PDE1A: variants seen among roughly 807,000 people sequenced by gnomAD.
The protein encoded by PDE1A is dual specificity calcium/calmodulin-dependent 3',5'-cyclic nucleotide phosphodiesterase 1A.
Under a neutral mutation model 61.7 loss-of-function variants are expected in PDE1A, and 35 were observed. That is an observed-to-expected ratio of 0.57 (90% CI 0.43 to 0.75). The LOEUF (loss-of-function observed/expected upper bound fraction) is 0.75. Among genes scored for constraint, PDE1A ranks in the 30% least tolerant of loss-of-function variants. PDE1A has a pLI of 0.00. For synonymous variants in PDE1A, 232 were observed against 213.2 expected (o/e 1.09, Z -0.77); for missense variants, 597 against 630.6 (o/e 0.95, Z 0.57).
intron 13 of PDE1A, among the ~76,000 whole-genome samples, chr2:182,149,330 GAAAGT>G (rs1217446569): frequency 1.3e-5 from 2 of 152,062 alleles, no homozygotes. Flanking sequence ...AAAAGAAAAA[GAAAGT>G]AATCAAATGG....
At position 182,201,389 on chromosome 2, in the gene PDE1A, T is replaced by G. The variant is rs199702885; in HGVS notation, c.1125+50A>C. The G allele has an allele frequency of 5.3e-4, 849 of 1,605,434 alleles. 1 individual carries two copies. Among genetic ancestry groups the G allele is most frequent in the Admixed American group, 1.0e-3 (61 of 59,222 alleles). ...CATACAGAAAAGGTGTACGCTAATATGCACAGTCACTATTTCCAAAAACAT... is the reference window on the plus strand; with the variant it reads ...CATACAGAAAAGGTGTACGCTAATAGGCACAGTCACTATTTCCAAAAACAT... On this transcript the variant is annotated intron_variant, in intron 10 of 13. Transcript: ENST00000351439.
At chr2:182,487,796 C>T (rs557549821) in intron 2 of PDE1A, among the ~76,000 whole-genome samples, 2 of 152,134 alleles carry the variant, frequency 1.3e-5, no homozygotes, top group Admixed American at 1.3e-4. Context: ...TAAATTATGC[C>T]TTAACAAATC....
At chr2:182,191,974 G>T (rs923077303) in intron 10 of PDE1A, among the ~76,000 whole-genome samples, 10 of 151,776 alleles carry the variant, frequency 6.6e-5, no homozygotes, top group Admixed American at 2.6e-4. Flanking sequence ...TCCTGCCTTA[G>T]CCTCCCAAGT....
chr2:182,157,632 C>T (rs1691166582), intron 13 of PDE1A, among the ~76,000 whole-genome samples: 1 of 152,072 alleles, frequency 6.6e-6, no homozygotes, highest in Non-Finnish European at 1.5e-5. Flanking sequence ...GGAGACTAAA[C>T]CCACTTACAA....
At chr2:182,686,590 G>C in the PDE1A span, among the ~76,000 whole-genome samples, 1 of 152,198 alleles carries the variant, frequency 6.6e-6, no homozygotes, top group Non-Finnish European at 1.5e-5. Context: ...CCAGTCTACA[G>C]CTCCCAGTGT....
chr2:182,644,674 T>C, the PDE1A span, among the ~76,000 whole-genome samples: 1 of 152,110 alleles, frequency 6.6e-6, no homozygotes, highest in Non-Finnish European at 1.5e-5. Context: ...TTCACATCTA[T>C]GAGTGGGAAG....
the PDE1A span, among the ~76,000 whole-genome samples, chr2:182,626,782 CATATATAT>C: frequency 0.021 from 53 of 2,546 alleles, 5 homozygotes; most frequent in Non-Finnish European, 0.038. Context: ...CATATATATA[CATATATAT>C]ACATATATAT....
intron 1 of PDE1A, among the ~76,000 whole-genome samples, chr2:182,302,974 G>T (rs1324733288): frequency 6.6e-6 from 1 of 152,180 alleles, no homozygotes; most frequent in East Asian, 1.9e-4. Context: ...CAGCAATTCA[G>T]CTACATCTTC....
At chr2:182,270,411 C>A (rs990171138) in intron 1 of PDE1A, among the ~76,000 whole-genome samples, 2 of 152,034 alleles carry the variant, frequency 1.3e-5, no homozygotes, top group African/African-American at 4.8e-5. Flanking sequence ...GCTACCGTTA[C>A]ATAACCCAAT....
chr2:182,145,414 C>A (rs1257915347), downstream of PDE1A, among the ~76,000 whole-genome samples: 1 of 151,982 alleles, frequency 6.6e-6, no homozygotes, highest in East Asian at 1.9e-4. Context: ...ATTATATTTA[C>A]TTTGAGCGGG....
At chr2:182,340,041 G>A (rs1056432314) in intron 1 of PDE1A, among the ~76,000 whole-genome samples, 1 of 152,128 alleles carries the variant, frequency 6.6e-6, no homozygotes, top group Non-Finnish European at 1.5e-5. Context: ...AGATTATACT[G>A]TAAAATGCAA....
the PDE1A span, among the ~76,000 whole-genome samples, chr2:182,621,157 T>G: frequency 6.6e-6 from 1 of 152,168 alleles, no homozygotes; most frequent in Non-Finnish European, 1.5e-5. Context: ...GTCTGAGAAT[T>G]GGGAGCAGAT....
At chr2:182,316,958 A>G (rs940364391) in intron 1 of PDE1A, among the ~76,000 whole-genome samples, 1 of 152,148 alleles carries the variant, frequency 6.6e-6, no homozygotes, top group Admixed American at 6.6e-5. Context: ...TTTAAGGACA[A>G]TCGTATTTTC....
chr2:182,522,561 C>A, intron 1 of PDE1A: 1 of 1,405,786 alleles, frequency 7.1e-7, no homozygotes. Context: ...CATATATCCA[C>A]TGCTCACCAC....
At chr2:182,674,070 C>T in the PDE1A span, among the ~76,000 whole-genome samples, 1 of 148,574 alleles carries the variant, frequency 6.7e-6, no homozygotes. Flanking sequence ...AAATTAACAG[C>T]CCTGCTTTTA....
intron 2 of PDE1A, among the ~76,000 whole-genome samples, chr2:182,439,380 C>T (rs377015288): frequency 1.5e-4 from 23 of 151,966 alleles, no homozygotes; most frequent in African/African-American, 5.5e-4. Flanking sequence ...TCAGAGAGAA[C>T]ATTTAGATTA....
At chr2:182,624,131 A>G in the PDE1A span, among the ~76,000 whole-genome samples, 3 of 151,760 alleles carry the variant, frequency 2.0e-5, no homozygotes, top group Non-Finnish European at 2.9e-5. Flanking sequence ...TCTCAAAAAA[A>G]AAAAAAAAAA....
At chr2:182,304,429 T>C (rs1695448464) in intron 1 of PDE1A, among the ~76,000 whole-genome samples, 1 of 152,248 alleles carries the variant, frequency 6.6e-6, no homozygotes, top group Non-Finnish European at 1.5e-5. Context: ...AGAGTAGCAC[T>C]GTTAATTTCC....
the PDE1A span, among the ~76,000 whole-genome samples, chr2:182,544,611 T>A: frequency 2.0e-5 from 3 of 152,102 alleles, 1 homozygote; most frequent in African/African-American, 7.2e-5. Flanking sequence ...GTTTGAAATA[T>A]TCTTTTCCAC....
Sources: gnomAD v4.1 joint callset for allele counts (sites outside exome capture counted in the v4.1 genomes callset) on GRCh38, gnomAD v4.1.1 for gene constraint, MANE v1.5 for transcripts, NCBI Gene and HGNC (gene_info 2026-07-23, HGNC 2026-07-21) for gene names.